USP36: variants seen among roughly 807,000 people sequenced by gnomAD.
The protein encoded by USP36 is ubiquitin specific peptidase 36.
USP36 carries 59 observed loss-of-function variants against 111.5 expected under a neutral mutation model. That is an observed-to-expected ratio of 0.53 (90% CI 0.43 to 0.66). USP36 has a LOEUF of 0.66. Among genes scored for constraint, USP36 ranks in the 30% least tolerant of loss-of-function variants. USP36 has a pLI of 0.00. For synonymous variants in USP36, 628 were observed against 581.0 expected (o/e 1.08, Z -1.16); for missense variants, 1,488 against 1,468.0 (o/e 1.01, Z -0.22).
chr17:78,828,548 C>T (rs1310112887), intron 5 of USP36, among the ~76,000 whole-genome samples: 1 of 152,198 alleles, frequency 6.6e-6, no homozygotes, highest in Admixed American at 6.5e-5. Flanking sequence ...TCCCCACTGA[C>T]CCCAGCCCAC....
intron 2 of USP36, among the ~76,000 whole-genome samples, chr17:78,836,827 A>G (rs868431494): frequency 8.1e-5 from 12 of 147,842 alleles, no homozygotes; most frequent in Middle Eastern, 3.2e-3. Context: ...ACAAACGGAC[A>G]CACACACACA....
At chr17:78,816,777 T>TA (rs1265657701) in intron 10 of USP36, among the ~76,000 whole-genome samples, 5 of 152,156 alleles carry the variant, frequency 3.3e-5, no homozygotes, top group African/African-American at 1.2e-4. Flanking sequence ...GTGCCCAGCC[T>TA]AAATCATTTT....
rs2093942693 is a variant in USP36, at chr17:78,807,592, C to T, written c.1452G>A (p.Glu484=). Residue 484 remains glutamate (E), a synonymous_variant, in exon 14 of 21, where the codon GAG becomes GAA. Transcript: ENST00000449938. ...CATTCCTGGATATGGGCACACCAATCTCTTCAGTGGTGTGCGGCTTCTTCA... is the reference window on the plus strand; with the variant it reads ...CATTCCTGGATATGGGCACACCAATTTCTTCAGTGGTGTGCGGCTTCTTCA... ...GTMKKPHTTE[E]IGVPISRNGS... is the part of the protein sequence containing the mutation. 1.9e-6 allele frequency: 3 copies of T among 1,587,048 alleles called. No homozygotes were observed. Among genetic ancestry groups the T allele is most frequent in the Non-Finnish European group, 2.6e-6 (3 of 1,166,968 alleles).
At chr17:78,820,070 G>T in intron 8 of USP36, 58 bp from the exon 9 acceptor site, 1 of 1,570,504 alleles carries the variant, frequency 6.4e-7, no homozygotes, top group Non-Finnish European at 8.7e-7. Flanking sequence ...GCTGATTCAA[G>T]AAATGCCAAA....
At chr17:78,793,647 C>T (rs140291695), downstream of USP36, among the ~76,000 whole-genome samples, 54 of 152,284 alleles carry the variant, frequency 3.5e-4, 1 homozygote, top group African/African-American at 1.1e-3. Flanking sequence ...CCACCACGTC[C>T]TTGGCGTACC....
At chr17:78,808,266 A>G (rs1225119168) in intron 13 of USP36, among the ~76,000 whole-genome samples, 2 of 152,234 alleles carry the variant, frequency 1.3e-5, no homozygotes, top group African/African-American at 4.8e-5. Context: ...TCTTTAAGAC[A>G]GAGCCTTGCT....
At chr17:78,825,719 G>C (rs1011797335) in intron 6 of USP36, among the ~76,000 whole-genome samples, 23 of 152,104 alleles carry the variant, frequency 1.5e-4, no homozygotes, top group Non-Finnish European at 2.4e-4. Context: ...AAGCCCAGGG[G>C]TCAGTTTCTG....
chr17:78,827,234 G>GGC lies in USP36; in HGVS notation c.689+10_689+11insGC. 1 of 895,012 alleles carries GGC rather than the reference G, an allele frequency of 1.1e-6. No individual in the cohort carries two copies. Among genetic ancestry groups the GGC allele is most frequent in the Non-Finnish European group, 1.7e-6 (1 of 595,540 alleles). 55.4% of individuals were successfully genotyped at this position (895,012 alleles called of 1,614,324 possible). A position where few individuals can be genotyped will look rare whatever the true frequency, so the allele number is the denominator to read the frequency against. On this transcript the variant is annotated intron_variant, in intron 6 of 20. Coordinates refer to ENST00000449938, the MANE Select transcript of USP36 (RefSeq NM_001385174.1). ...CCAAAGCCCTGGGAGGGTGGGTGGG[G>GGC]AAGCACGCACTTGGCACAGCCATTC...
At chr17:78,837,334 G>A (rs1177808935) in intron 2 of USP36, among the ~76,000 whole-genome samples, 1 of 151,982 alleles carries the variant, frequency 6.6e-6, no homozygotes, top group Non-Finnish European at 1.5e-5. Flanking sequence ...TATCAAAAGA[G>A]AAGAAGAAAA....
In USP36 at chr17:78,807,579, T is replaced by G. The variant is rs1166516334; in HGVS notation, c.1465A>C (p.Ile489Leu). ...CCCAGGGTGGAGCCATTCCTGGATA[T>G]GGGCACACCAATCTCTTCAGTGGTG... is the stretch of plus-strand genomic sequence containing the variant. ...PHTTEEIGVPISRNGSTLGLK... is the reference protein window; with the variant it reads ...PHTTEEIGVPLSRNGSTLGLK... Residue 489 changes from isoleucine to leucine, a missense_variant, in exon 14 of 21, where the codon ATA (isoleucine) becomes CTA (leucine). By Grantham distance (5) the Ile-to-Leu change is conservative. Around this residue, in one of 3 missense-constraint regions of USP36, gnomAD observed 1,073 missense variants for 994.1 expected, o/e 1.08. Transcript: ENST00000449938. The G allele has an allele frequency of 6.3e-7, 1 of 1,597,714 alleles. No homozygotes were observed. Among genetic ancestry groups the G allele is most frequent in the East Asian group, 2.2e-5 (1 of 44,762 alleles).
At position 78,798,172 on chromosome 17, in the gene USP36, AT is replaced by A; in HGVS notation, c.*20+227del. ...TACACACACCCCCTTATACACACGC[AT>A]CCCACACACACCCCCTTATACACAC... On this transcript the variant is annotated intron_variant, in intron 20 of 20. Coordinates refer to ENST00000449938, the MANE Select transcript of USP36 (RefSeq NM_001385174.1). This position sits in a 1 kb window ranked among gnomAD's most constrained non-coding sequence, Gnocchi z 5.1. The A allele has an allele frequency of 1.8e-6, 1 of 561,114 alleles. No homozygotes were observed. Among genetic ancestry groups the A allele is most frequent in the Non-Finnish European group, 3.1e-6 (1 of 318,356 alleles). The allele number at this position is 561,114 out of a possible 1,614,324, so 34.8% of individuals were successfully genotyped here.
Position 78,836,335 on chromosome 17 carries a change from G to A in USP36, c.29C>T (p.Ala10Val). 6.2e-7 allele frequency: 1 copy of A among 1,614,092 alleles called. No individual in the cohort carries two copies. The highest frequency in any genetic ancestry group is 1.3e-5 in the African/African-American group (1 of 75,030). The change falls in exon 3 of 21, where the codon GCC (alanine) becomes GTC (valine). Residue 10 changes from alanine to valine, a missense_variant. Ala to Val is a moderately conservative substitution (Grantham distance 64). Around this residue, in one of 3 missense-constraint regions of USP36, gnomAD observed 219 missense variants for 209.5 expected, o/e 1.05. Transcript: ENST00000449938. ...CGAGTCCTTGCGGCCGGGTTTCAGG[G>A]CCTCCTTCAACTTATCCACTATTGG... is the stretch of plus-strand genomic sequence containing the variant. MPIVDKLKEALKPGRKDSAD... is the reference protein window; with the variant it reads MPIVDKLKEVLKPGRKDSAD...
At chr17:78,790,184 G>A (rs1457520101) in intron 3 of USP36, among the ~76,000 whole-genome samples, 1 of 152,142 alleles carries the variant, frequency 6.6e-6, no homozygotes, top group African/African-American at 2.4e-5. Context: ...GGCTTTCCAG[G>A]TTCAAGTGAC....
In USP36 at chr17:78,806,186, A is replaced by T. The variant is rs746725250; in HGVS notation, c.2186T>A (p.Val729Asp). Residue 729 changes from valine (V) to aspartate (D), a missense_variant, in exon 15 of 21, where the codon GTT (valine) becomes GAT (aspartate). Val to Asp is a radical substitution (Grantham distance 152, BLOSUM62 -3). Around this residue, in one of 3 missense-constraint regions of USP36, gnomAD observed 1,073 missense variants for 994.1 expected, o/e 1.08. Transcript: ENST00000449938. ...TCTATGGACGGGCCAAGTGGAGGCAACGACGGGGTGAGAGGTTTTCATGGG... is the reference window on the plus strand; with the variant it reads ...TCTATGGACGGGCCAAGTGGAGGCATCGACGGGGTGAGAGGTTTTCATGGG... ...THPMKTSHPV[V>D]ASTWPVHRAR... is the part of the protein sequence containing the mutation. 1.9e-6 allele frequency: 3 copies of T among 1,613,532 alleles called. No individual in the cohort carries two copies. The South Asian group carries it at 3.3e-5, about 18-fold the overall frequency.
rs375883238 is a variant in USP36, at chr17:78,835,520, A to C, written c.254-19T>G. 5.3e-5 allele frequency: 83 copies of C among 1,571,626 alleles called. 1 individual carries two copies. The highest frequency in any genetic ancestry group is 3.1e-4 in the East Asian group (13 of 42,542). ...TCACTGCCTGAGGAAGAAAGGGACA[A>C]GGGAAGAAAAGAGGAAGACGTAAGT... is the stretch of plus-strand genomic sequence containing the variant. On this transcript the variant is annotated intron_variant, in intron 3 of 20. Transcript: ENST00000449938.
intron 17 of USP36, among the ~76,000 whole-genome samples, chr17:78,800,646 G>C (rs962324209): frequency 6.6e-6 from 1 of 152,216 alleles, no homozygotes. Context: ...ATGCAGAGCA[G>C]CCTGCCTGCT....
At chr17:78,800,176 T>TTA (rs2093705859) in intron 17 of USP36, among the ~76,000 whole-genome samples, 1 of 149,598 alleles carries the variant, frequency 6.7e-6, no homozygotes, top group Non-Finnish European at 1.5e-5. Flanking sequence ...ACCAGTAGTG[T>TTA]TAAGTCCTCA....
At chr17:78,829,815 A>G (rs2067916969) in intron 4 of USP36, among the ~76,000 whole-genome samples, 1 of 152,162 alleles carries the variant, frequency 6.6e-6, no homozygotes. Flanking sequence ...ATCTTGGCTC[A>G]CTGCAACCTC....
At chr17:78,790,465 T>G (rs188268607) in intron 3 of USP36, among the ~76,000 whole-genome samples, 2 of 152,160 alleles carry the variant, frequency 1.3e-5, no homozygotes, top group Non-Finnish European at 2.9e-5. Context: ...TAATTTTTTT[T>G]TATTTTTAGT....
Sources: gnomAD v4.1 joint callset for allele counts (sites outside exome capture counted in the v4.1 genomes callset) on GRCh38, gnomAD v4.1.1 for gene constraint, gnomAD v4.1.1 regional missense constraint, Gnocchi (gnomAD v3.1) non-coding constraint, MANE v1.5 for transcripts, NCBI Gene and HGNC (gene_info 2026-07-23, HGNC 2026-07-21) for gene names.